Variants in IQCK observed in about 807,000 individuals in gnomAD.
IQCK encodes the protein IQ motif containing K, also known as IQ domain-containing protein K.
In IQCK, 29 loss-of-function variants were observed where a neutral mutation model predicts 28.1. The ratio of observed to expected loss-of-function variants is 1.03; its 90% confidence interval spans 0.77 to 1.41. The LOEUF (loss-of-function observed/expected upper bound fraction) is 1.41. Among genes scored for constraint, IQCK ranks in the 40% most tolerant of loss-of-function variants. IQCK has a pLI of 0.00. For missense variants in IQCK, 359 were observed against 314.7 expected (o/e 1.14, Z -1.07); for synonymous variants, 113 against 115.1 (o/e 0.98, Z 0.12).
intron 4 of IQCK, among the ~76,000 whole-genome samples, chr16:19,748,757 T>G (rs1315265750): frequency 6.6e-6 from 1 of 152,142 alleles, no homozygotes; most frequent in Non-Finnish European, 1.5e-5. Flanking sequence ...AAAATACTAG[T>G]ACCTTTTAAA....
intron 6 of IQCK, among the ~76,000 whole-genome samples, chr16:19,771,208 C>T (rs1323319353): frequency 2.0e-5 from 3 of 152,150 alleles, no homozygotes; most frequent in African/African-American, 7.2e-5. Context: ...CCTCCCACCT[C>T]GGCCTCCTGA....
chr16:19,827,166 T>A (rs2056160386), exon 8 of IQCK: 1 of 1,461,832 alleles, frequency 6.8e-7, no homozygotes. Flanking sequence ...TGTCCTTAGT[T>A]CATTCAAGAA....
At chr16:19,811,679 A>G (rs1597580354) in intron 7 of IQCK, among the ~76,000 whole-genome samples, 1 of 152,308 alleles carries the variant, frequency 6.6e-6, no homozygotes, top group East Asian at 1.9e-4. Flanking sequence ...TTTTTGACTC[A>G]GATTTTGTGG....
chr16:19,786,004 A>T (rs1011888384), intron 6 of IQCK, among the ~76,000 whole-genome samples: 4 of 152,202 alleles, frequency 2.6e-5, no homozygotes, highest in Non-Finnish European at 5.9e-5. Context: ...GGGCCGGAGC[A>T]TGAGGAGCAA....
chr16:19,764,491 A>T (rs576625854), intron 6 of IQCK, among the ~76,000 whole-genome samples: 2 of 152,266 alleles, frequency 1.3e-5, no homozygotes, highest in South Asian at 2.1e-4. Flanking sequence ...ACCTGCATCA[A>T]TTCTCCATTT....
At chr16:19,777,291 C>T (rs1486001570) in intron 6 of IQCK, among the ~76,000 whole-genome samples, 2 of 152,048 alleles carry the variant, frequency 1.3e-5, no homozygotes, top group Non-Finnish European at 2.9e-5. Context: ...GTCACTGTGT[C>T]GTTTGAGGAC....
At chr16:19,771,155 A>G (rs552170448) in intron 6 of IQCK, among the ~76,000 whole-genome samples, 8 of 152,344 alleles carry the variant, frequency 5.3e-5, no homozygotes, top group African/African-American at 1.4e-4. Context: ...GCAGTGGCAC[A>G]ATCACAGCTC....
At chr16:19,775,323 T>C (rs1822731037) in intron 6 of IQCK, among the ~76,000 whole-genome samples, 1 of 151,918 alleles carries the variant, frequency 6.6e-6, no homozygotes, top group African/African-American at 2.4e-5. Flanking sequence ...ATGACTCAGC[T>C]CTTTCCTCAG....
chr16:19,805,872 G>A (rs1042983134), intron 7 of IQCK, among the ~76,000 whole-genome samples: 1 of 152,040 alleles, frequency 6.6e-6, no homozygotes, highest in Non-Finnish European at 1.5e-5. Flanking sequence ...GGTGGGGTGG[G>A]GGGGCTAGGG....
intron 7 of IQCK, among the ~76,000 whole-genome samples, chr16:19,818,860 G>A (rs1003047113): frequency 6.6e-6 from 1 of 152,130 alleles, no homozygotes; most frequent in East Asian, 1.9e-4. Context: ...CTCTGGAAGA[G>A]GAAGTAATAG....
intron 1 of IQCK, among the ~76,000 whole-genome samples, chr16:19,722,141 T>G (rs1977515108): frequency 6.6e-6 from 1 of 152,070 alleles, no homozygotes; most frequent in Admixed American, 6.5e-5. Flanking sequence ...TCTCAATGCC[T>G]TCTCCCATTG....
chr16:19,786,753 GA>G (rs139790198), intron 6 of IQCK, among the ~76,000 whole-genome samples: 1 of 123,496 alleles, frequency 8.1e-6, no homozygotes. Context: ...AAAGAAAGGG[GA>G]AAAAAAGGAA....
At chr16:19,744,682 A>C (rs1291700881) in intron 4 of IQCK, among the ~76,000 whole-genome samples, 2 of 152,242 alleles carry the variant, frequency 1.3e-5, no homozygotes, top group African/African-American at 4.8e-5. Context: ...CATGTAAAAA[A>C]AGTAATTGAG....
intron 7 of IQCK, among the ~76,000 whole-genome samples, chr16:19,817,790 C>G (rs939151301): frequency 9.9e-5 from 15 of 152,026 alleles, no homozygotes; most frequent in African/African-American, 3.6e-4. Context: ...TGTAAATATC[C>G]CAAACAATCC....
intron 1 of IQCK, among the ~76,000 whole-genome samples, chr16:19,725,216 AT>A (rs1467813689): frequency 6.6e-6 from 1 of 151,986 alleles, no homozygotes; most frequent in Non-Finnish European, 1.5e-5. Context: ...TTTAATTTTT[AT>A]TTTTTTGAGA....
chr16:19,812,872 T>G (rs904501961), intron 7 of IQCK, among the ~76,000 whole-genome samples: 1 of 152,194 alleles, frequency 6.6e-6, no homozygotes, highest in African/African-American at 2.4e-5. Flanking sequence ...TGAAAAAACT[T>G]AAGTGCATCC....
At chr16:19,844,562 G>C (rs937904231) in intron 9 of IQCK, among the ~76,000 whole-genome samples, 4 of 152,180 alleles carry the variant, frequency 2.6e-5, no homozygotes, top group Non-Finnish European at 4.4e-5. Flanking sequence ...ACATAGATGA[G>C]ATCAGTGATC....
intron 7 of IQCK, among the ~76,000 whole-genome samples, chr16:19,804,877 A>G (rs2055813928): frequency 6.6e-6 from 1 of 152,212 alleles, no homozygotes. Context: ...CTTGATTTGT[A>G]TTATATTTCA....
At chr16:19,805,953 A>G (rs984337124) in intron 7 of IQCK, among the ~76,000 whole-genome samples, 4 of 151,686 alleles carry the variant, frequency 2.6e-5, no homozygotes, top group Admixed American at 2.0e-4. Context: ...TGCTGAGTCT[A>G]CTTCTGGGTG....
Sources: allele counts gnomAD v4.1 joint callset (sites outside exome capture counted in the v4.1 genomes callset), GRCh38; gene constraint gnomAD v4.1.1; transcripts MANE v1.5; gene names NCBI Gene and HGNC (gene_info 2026-07-23, HGNC 2026-07-21).